NAALADL2: variants seen among roughly 807,000 people sequenced by gnomAD.
NAALADL2 encodes the protein N-acetylated alpha-linked acidic dipeptidase like 2, also known as inactive N-acetylated-alpha-linked acidic dipeptidase-like protein 2.
Under a neutral mutation model 87.2 loss-of-function variants are expected in NAALADL2, and 76 were observed. That is an observed-to-expected ratio of 0.87 (90% CI 0.72 to 1.05). NAALADL2 has a LOEUF of 1.05. Ranked by LOEUF, NAALADL2 falls within the 50% of genes least tolerant of loss-of-function variation. NAALADL2 has a pLI of 0.00. For synonymous variants in NAALADL2, 354 were observed against 331.0 expected (o/e 1.07, Z -0.75); for missense variants, 1,089 against 945.8 (o/e 1.15, Z -1.99).
chr3:175,088,849 T>C (rs1189399864), intron 1 of NAALADL2, among the ~76,000 whole-genome samples: 3 of 152,188 alleles, frequency 2.0e-5, no homozygotes, highest in Non-Finnish European at 4.4e-5. Context: ...AGGTGTTAAC[T>C]CTTGACACAC....
chr3:175,279,694 A>G (rs1406169970), intron 4 of NAALADL2, among the ~76,000 whole-genome samples: 1 of 151,960 alleles, frequency 6.6e-6, no homozygotes. Context: ...AGAATGATCT[A>G]GAGTGATAAT....
chr3:175,119,773 A>G (rs1324282768), intron 2 of NAALADL2, among the ~76,000 whole-genome samples: 1 of 138,700 alleles, frequency 7.2e-6, no homozygotes, highest in Non-Finnish European at 1.5e-5. Flanking sequence ...CTATATATAG[A>G]TATATATATA....
intron 3 of NAALADL2, among the ~76,000 whole-genome samples, chr3:174,827,191 T>C (rs1722093535): frequency 6.6e-6 from 1 of 152,190 alleles, no homozygotes; most frequent in Non-Finnish European, 1.5e-5. Context: ...ATAAACATCA[T>C]TTCAGTTCCG....
chr3:175,388,354 G>A (rs1768653459), intron 5 of NAALADL2, among the ~76,000 whole-genome samples: 1 of 152,026 alleles, frequency 6.6e-6, no homozygotes, highest in Admixed American at 6.6e-5. Context: ...TAGTTTAAAT[G>A]TTTTCTGGTG....
At chr3:174,941,886 A>G (rs548878483) in intron 1 of NAALADL2, among the ~76,000 whole-genome samples, 12 of 152,000 alleles carry the variant, frequency 7.9e-5, no homozygotes, top group African/African-American at 2.7e-4. Flanking sequence ...TTTTGAGCCT[A>G]TGGGTGTCAT....
intron 1 of NAALADL2, among the ~76,000 whole-genome samples, chr3:175,015,647 T>C (rs1188596453): frequency 6.6e-6 from 1 of 152,064 alleles, no homozygotes; most frequent in East Asian, 1.9e-4. Context: ...AAATTGAAAA[T>C]ATATCATTTA....
At chr3:174,463,119 A>G (rs938641403) in intron 1 of NAALADL2, among the ~76,000 whole-genome samples, 3 of 152,216 alleles carry the variant, frequency 2.0e-5, no homozygotes, top group Non-Finnish European at 4.4e-5. Context: ...AAGAAAATAC[A>G]GTTTTGTTAC....
chr3:175,525,055 T>C (rs1402994361), intron 9 of NAALADL2, among the ~76,000 whole-genome samples: 2 of 152,150 alleles, frequency 1.3e-5, no homozygotes, highest in Admixed American at 6.6e-5. Flanking sequence ...TATTTTTTTA[T>C]TTAAAAATTA....
At chr3:175,489,647 A>G (rs1044487602) in intron 9 of NAALADL2, among the ~76,000 whole-genome samples, 1 of 152,216 alleles carries the variant, frequency 6.6e-6, no homozygotes, top group Non-Finnish European at 1.5e-5. Flanking sequence ...GGTAATTCTC[A>G]GTTATTTTCC....
chr3:175,339,341 G>A (rs1762352834), intron 5 of NAALADL2, among the ~76,000 whole-genome samples: 1 of 152,102 alleles, frequency 6.6e-6, no homozygotes, highest in Admixed American at 6.5e-5. Context: ...GTCCTACGTT[G>A]TTTGTTTTTC....
At chr3:174,665,899 T>G (rs557370855) in intron 2 of NAALADL2, among the ~76,000 whole-genome samples, 2 of 152,314 alleles carry the variant, frequency 1.3e-5, no homozygotes, top group East Asian at 3.9e-4. Flanking sequence ...TCCTATTCTC[T>G]TATTCAGTTT....
intron 12 of NAALADL2, among the ~76,000 whole-genome samples, chr3:175,749,675 C>T (rs1467322963): frequency 6.6e-6 from 1 of 152,176 alleles, no homozygotes; most frequent in Non-Finnish European, 1.5e-5. Flanking sequence ...ATTACACTGA[C>T]AATTAATTTT....
At chr3:175,076,122 G>A (rs1559993612) in intron 1 of NAALADL2, among the ~76,000 whole-genome samples, 1 of 152,060 alleles carries the variant, frequency 6.6e-6, no homozygotes, top group African/African-American at 2.4e-5. Context: ...CAGCTACTTG[G>A]GAAGCTGAGG....
chr3:174,713,262 A>G (rs1159864638), intron 2 of NAALADL2, among the ~76,000 whole-genome samples: 1 of 152,230 alleles, frequency 6.6e-6, no homozygotes, highest in Non-Finnish European at 1.5e-5. Flanking sequence ...CACAATAAAC[A>G]TACGTGTGCA....
At chr3:175,548,595 A>G (rs986898473) in intron 9 of NAALADL2, among the ~76,000 whole-genome samples, 3 of 152,054 alleles carry the variant, frequency 2.0e-5, no homozygotes, top group Admixed American at 6.6e-5. Context: ...TCGTTGGAAT[A>G]GTTGAGTGAC....
Position 175,627,272 on chromosome 3 carries a change from C to CT in NAALADL2, c.1801-13dup. ...AATCGATAAAGAGTTTTAAATGTTTCTTTTTTGATTTGCCGCAGGGTCCAA... is the reference window on the plus strand; with the variant it reads ...AATCGATAAAGAGTTTTAAATGTTTCTTTTTTTGATTTGCCGCAGGGTCCAA... On this transcript the variant is annotated intron_variant, in intron 10 of 13. Coordinates refer to ENST00000454872, the MANE Select transcript of NAALADL2 (RefSeq NM_207015.3). The CT allele has an allele frequency of 6.5e-7, 1 of 1,529,266 alleles. No individual in the cohort carries two copies. The highest frequency in any genetic ancestry group is 8.8e-7 in the Non-Finnish European group (1 of 1,131,532). The allele number at this position is 1,529,266 out of a possible 1,614,324, so 94.7% of individuals were successfully genotyped here. A position where few individuals can be genotyped will look rare whatever the true frequency, so the allele number is the denominator to read the frequency against.
intron 1 of NAALADL2, among the ~76,000 whole-genome samples, chr3:174,886,726 G>A (rs1049463272): frequency 5.1e-4 from 77 of 152,072 alleles, no homozygotes; most frequent in Non-Finnish European, 2.1e-4. Flanking sequence ...TCTTTAAAAA[G>A]GGTGAATGCT....
chr3:175,542,191 T>C (rs966605244), intron 9 of NAALADL2, among the ~76,000 whole-genome samples: 29 of 152,190 alleles, frequency 1.9e-4, no homozygotes, highest in African/African-American at 7.0e-4. Flanking sequence ...ACAAGTGATC[T>C]CTTGCATAAA....
At chr3:175,741,521 T>C (rs545913701) in intron 12 of NAALADL2, among the ~76,000 whole-genome samples, 4 of 151,990 alleles carry the variant, frequency 2.6e-5, no homozygotes, top group Admixed American at 2.6e-4. Flanking sequence ...ACACAGTAGA[T>C]GGGTAAATTT....
Sources: allele counts gnomAD v4.1 joint callset (sites outside exome capture counted in the v4.1 genomes callset), GRCh38; gene constraint gnomAD v4.1.1; transcripts MANE v1.5; gene names NCBI Gene and HGNC (gene_info 2026-07-23, HGNC 2026-07-21).